Variants in DOK7 observed in about 807,000 individuals in gnomAD.
DOK7 encodes docking protein 7, also known as protein Dok-7.
DOK7 carries 32 observed loss-of-function variants against 30.7 expected under a neutral mutation model. That is an observed-to-expected ratio of 1.04 (90% confidence interval 0.79 to 1.40). The LOEUF is 1.40. Among genes scored for constraint, DOK7 ranks in the 40% most tolerant of loss-of-function variants. DOK7 has a pLI of 0.00. For synonymous variants in DOK7, 447 were observed against 324.1 expected (o/e 1.38, Z -4.07); for missense variants, 1,007 against 699.2 (o/e 1.44, Z -4.97).
At chr4:3,490,678 CGCATTCCTTCCTTCCTTCCCCCCTCAT>C (rs1199863063) in intron 6 of DOK7, among the ~76,000 whole-genome samples, 1 of 73,612 alleles carries the variant, frequency 1.4e-5, no homozygotes, top group Non-Finnish European at 2.5e-5. Flanking sequence ...CTCCCTTCCC[CGCATTCCTTCCTTCCTTCCCCCCTCAT>C]GCATTCCTTC....
rs918446523 is a variant in DOK7, at chr4:3,489,811, T to C, written c.772+15T>C. The C allele has an allele frequency of 6.4e-7, 1 of 1,565,938 alleles. No individual in the cohort carries two copies. ...GGGCAGTGGAGGTAGGGCCGGGGGCTGACCTGGGCTGTGGGACCTCGGCTA... is the reference window on the plus strand; with the variant it reads ...GGGCAGTGGAGGTAGGGCCGGGGGCCGACCTGGGCTGTGGGACCTCGGCTA... On this transcript the variant is annotated intron_variant, in intron 6 of 6. Coordinates refer to ENST00000340083, the MANE Select transcript of DOK7 (RefSeq NM_173660.5).
At chr4:3,465,337 T>A (rs1726207053) in intron 2 of DOK7, among the ~76,000 whole-genome samples, 1 of 152,098 alleles carries the variant, frequency 6.6e-6, no homozygotes, top group Admixed American at 6.5e-5. Context: ...TGCTGCCCCC[T>A]TTGCCTTCAC....
chr4:3,475,686 A>T (rs1727012208), intron 3 of DOK7, among the ~76,000 whole-genome samples: 1 of 151,688 alleles, frequency 6.6e-6, no homozygotes, highest in Non-Finnish European at 1.5e-5. Context: ...CAGACTCCAG[A>T]CTCTCCACAC....
At chr4:3,478,364 C>T (rs1273347451) in intron 4 of DOK7, among the ~76,000 whole-genome samples, 1 of 152,218 alleles carries the variant, frequency 6.6e-6, no homozygotes, top group Non-Finnish European at 1.5e-5. Flanking sequence ...TGTGCTTCTC[C>T]CCAGGGCGAG....
intron 2 of DOK7, among the ~76,000 whole-genome samples, chr4:3,465,895 C>T (rs1029104700): frequency 2.0e-5 from 3 of 152,202 alleles, no homozygotes; most frequent in Admixed American, 1.3e-4. Flanking sequence ...TGCATGCCAG[C>T]GGCGCCTGGC....
intron 7 of DOK7, chr4:3,500,469 A>G (rs1729136638): frequency 2.0e-6 from 3 of 1,516,794 alleles, no homozygotes; most frequent in Non-Finnish European, 2.6e-6. Flanking sequence ...CAGGGCCCTG[A>G]GCCCCCAGCC....
rs910057052 is a variant in DOK7 at position 3,487,595 on chromosome 4, C to G, written c.652+1937C>G. 2.0e-5 allele frequency among the ~76,000 whole-genome samples: 3 copies of G among 152,178 alleles called. No homozygotes were observed. In the East Asian group the frequency reaches 5.8e-4, roughly 29 times the overall value. On this transcript the variant is annotated intron_variant, in intron 5 of 6. Transcript: ENST00000340083. ...GGGGTCCACCATGCTCCGAGTATGG[C>G]GTGCATGTTACCTTCTTGGCCTGGC... is the stretch of plus-strand genomic sequence containing the variant.
intron 2 of DOK7, among the ~76,000 whole-genome samples, chr4:3,466,889 C>T (rs765286098): frequency 1.3e-5 from 2 of 152,224 alleles, no homozygotes; most frequent in Non-Finnish European, 2.9e-5. Flanking sequence ...CACCCTCACG[C>T]GTTTCCTTCC....
intron 5 of DOK7, among the ~76,000 whole-genome samples, chr4:3,486,789 C>T (rs2239737): frequency 0.22 from 33,029 of 151,814 alleles, 3,914 homozygotes; most frequent in East Asian, 0.51. Context: ...GTGTGGTCAG[C>T]GTGGATGATG....
chr4:3,489,917 CTGT>C, intron 6 of DOK7, 121 bp downstream of exon 6: 1 of 1,419,460 alleles, frequency 7.0e-7, no homozygotes. Flanking sequence ...TTCATTCCTT[CTGT>C]CTCCTGCTCA....
chr4:3,493,523 G>C lies in DOK7; in HGVS notation c.*22G>C. ...TTGAGAGCCGCAGATCCCGCCCCGC[G>C]GCTGCAAAGGGGCTGAATTTGCCCC... On this transcript the variant is annotated 3_prime_UTR_variant, in exon 7 of 7. Transcript: ENST00000340083. 6.2e-7 allele frequency: 1 copy of C among 1,607,264 alleles called. No homozygotes were observed. The highest frequency in any genetic ancestry group is 8.5e-7 in the Non-Finnish European group (1 of 1,177,382).
At chr4:3,476,150 C>CCACCCG (rs1560212017) in intron 3 of DOK7, among the ~76,000 whole-genome samples, 192 bp from the exon 4 acceptor site, 36 of 148,630 alleles carry the variant, frequency 2.4e-4, no homozygotes, top group African/African-American at 8.7e-4. Flanking sequence ...CTCGCCCCGC[C>CCACCCG]TGACCGTGAT....
intron 2 of DOK7, among the ~76,000 whole-genome samples, chr4:3,464,591 G>A (rs1034795514): frequency 6.6e-6 from 1 of 152,212 alleles, no homozygotes; most frequent in Non-Finnish European, 1.5e-5. Context: ...AGGCTGGGGC[G>A]GATGACAGGC....
chr4:3,490,773 CTCCCCCGGCTCATTCATTCCTTCCTCTG>C (rs1728306970), intron 6 of DOK7, among the ~76,000 whole-genome samples: 1 of 99,358 alleles, frequency 1.0e-5, no homozygotes. Context: ...TTCTTTCCTT[CTCCCCCGGCTCATTCATTCCTTCCTCTG>C]CCCCCCCGCT....
intron 2 of DOK7, among the ~76,000 whole-genome samples, chr4:3,468,521 T>TGTGACTGTGCGTGTGA (rs1323459124): frequency 2.8e-5 from 3 of 106,472 alleles, no homozygotes; most frequent in African/African-American, 1.4e-4. Context: ...CGTGTATGAG[T>TGTGACTGTGCGTGTGA]GTGTGTGACT....
chr4:3,483,614 G>T (rs1011054474), intron 4 of DOK7, among the ~76,000 whole-genome samples: 8 of 152,216 alleles, frequency 5.3e-5, no homozygotes, highest in African/African-American at 1.9e-4. Flanking sequence ...CGCAGACGCC[G>T]CATGGAATGC....
chr4:3,492,685 C>T, intron 6 of DOK7, 74 bp from the exon 7 acceptor site: 1 of 1,591,092 alleles, frequency 6.3e-7, no homozygotes, highest in Non-Finnish European at 8.5e-7. Flanking sequence ...CTGTGGGGGT[C>T]CACCAGGCAT....
At chr4:3,475,791 G>A (rs569756852) in intron 3 of DOK7, among the ~76,000 whole-genome samples, 15 of 152,206 alleles carry the variant, frequency 9.9e-5, no homozygotes, top group Admixed American at 2.6e-4. Flanking sequence ...GAGAGGTGCC[G>A]GGGGTGGGAG....
intron 2 of DOK7, among the ~76,000 whole-genome samples, chr4:3,466,990 G>C (rs1324359775): frequency 6.6e-6 from 1 of 152,192 alleles, no homozygotes; most frequent in African/African-American, 2.4e-5. Context: ...GCATCAGCAG[G>C]CCGGCCTGGT....
Sources: gnomAD v4.1 joint callset for allele counts (sites outside exome capture counted in the v4.1 genomes callset) on GRCh38, gnomAD v4.1.1 for gene constraint, MANE v1.5 for transcripts, NCBI Gene and HGNC (gene_info 2026-07-23, HGNC 2026-07-21) for gene names.